GRIA3: variants seen among roughly 807,000 people sequenced by gnomAD.
GRIA3 encodes glutamate ionotropic receptor AMPA type subunit 3.
Under a neutral mutation model 63.0 loss-of-function variants are expected in GRIA3, and 3 were observed. The observed-to-expected ratio is 0.05, with a 90% CI of 0.02 to 0.12. The LOEUF (loss-of-function observed/expected upper bound fraction) is 0.12. Ranked by LOEUF, GRIA3 falls within the 10% of genes least tolerant of loss-of-function variation. GRIA3 has a pLI of 1.00. For synonymous variants in GRIA3, 274 were observed against 257.9 expected (o/e 1.06, Z -0.60); for missense variants, 347 against 700.9 (o/e 0.50, Z 5.70).
chrX:123,314,383 A>T (rs2044818199), intron 3 of GRIA3, among the ~76,000 whole-genome samples: 2 of 112,336 alleles, frequency 1.8e-5, no homozygotes, highest in Non-Finnish European at 3.8e-5. Context: ...TTATTTAGAT[A>T]CCAAACAGAA....
At chrX:123,207,335 G>T (rs185558122) in intron 2 of GRIA3, among the ~76,000 whole-genome samples, 102 of 111,477 alleles carry the variant, frequency 9.1e-4, no homozygotes, top group African/African-American at 3.1e-3. Context: ...CCTTCTAAGT[G>T]ATTTACATTT....
intron 9 of GRIA3, among the ~76,000 whole-genome samples, 199 bp downstream of exon 9, chrX:123,403,718 A>T (rs1262104618): frequency 8.9e-6 from 1 of 111,954 alleles, no homozygotes; most frequent in Non-Finnish European, 1.9e-5. Context: ...GAAAAAGAAT[A>T]GGAATTTAGA....
chrX:123,277,832 C>T (rs1416820992), intron 3 of GRIA3, among the ~76,000 whole-genome samples: 1 of 111,757 alleles, frequency 8.9e-6, no homozygotes. Context: ...ATTTTCATGA[C>T]CATCAAGTAA....
At chrX:123,469,013 C>A (rs1185777962) in intron 13 of GRIA3, among the ~76,000 whole-genome samples, 3 of 112,667 alleles carry the variant, frequency 2.7e-5, no homozygotes, top group Non-Finnish European at 5.6e-5. Context: ...GAATCAGGTT[C>A]ATTCGCAACT....
intron 11 of GRIA3, among the ~76,000 whole-genome samples, chrX:123,423,105 A>C (rs1232162340): frequency 1.8e-5 from 2 of 112,019 alleles, no homozygotes; most frequent in Non-Finnish European, 3.8e-5. Flanking sequence ...CTGCAGGGAC[A>C]TCTGAGGGCT....
chrX:123,416,591 C>T lies in GRIA3; in HGVS notation c.1501-811C>T, dbSNP rs752526295. 3.5e-5 allele frequency among the ~76,000 whole-genome samples: 4 copies of T among 112,720 alleles called. No homozygotes were observed. The South Asian group carries it at 1.4e-3, about 40-fold the overall frequency. On this transcript the variant is annotated intron_variant, in intron 10 of 15. Transcript: ENST00000620443. ...CCTGCCTTTGCCTAAGTTAATTGTG[C>T]AGTGCACTACTGACATTTATTTTAT...
chrX:123,232,503 GA>G (rs1167999647), intron 2 of GRIA3, among the ~76,000 whole-genome samples: 1 of 111,676 alleles, frequency 9.0e-6, no homozygotes, highest in Non-Finnish European at 1.9e-5. Context: ...TTTACAAGAT[GA>G]AAAGAGTTAC....
chrX:123,389,597 T>C (rs1310526081), intron 5 of GRIA3, among the ~76,000 whole-genome samples: 3 of 111,739 alleles, frequency 2.7e-5, no homozygotes, highest in African/African-American at 9.8e-5. Flanking sequence ...ACCCTATATG[T>C]ACATTTACAT....
At chrX:123,408,250 G>C (rs938987831) in intron 10 of GRIA3, among the ~76,000 whole-genome samples, 2 of 111,825 alleles carry the variant, frequency 1.8e-5, no homozygotes, top group African/African-American at 6.5e-5. Flanking sequence ...ACAGGTGTGA[G>C]TCACCACGCC....
chrX:123,356,745 G>A (rs749252413), intron 5 of GRIA3, among the ~76,000 whole-genome samples: 2 of 111,687 alleles, frequency 1.8e-5, no homozygotes, highest in Non-Finnish European at 3.8e-5. Flanking sequence ...GGATCAGAAA[G>A]TTTGGGTTGT....
At chrX:123,227,219 G>C (rs1006848368) in intron 2 of GRIA3, among the ~76,000 whole-genome samples, 3 of 110,658 alleles carry the variant, frequency 2.7e-5, no homozygotes, top group African/African-American at 1.0e-4. Flanking sequence ...ACTGGATCAT[G>C]AGTTCTTTGA....
At chrX:123,211,604 C>A (rs762125418) in intron 2 of GRIA3, among the ~76,000 whole-genome samples, 1 of 111,441 alleles carries the variant, frequency 9.0e-6, no homozygotes, top group Non-Finnish European at 1.9e-5. Flanking sequence ...ACCTTGCACA[C>A]AGGAGCTCTC....
At chrX:123,420,269 G>A (rs780303985) in intron 11 of GRIA3, among the ~76,000 whole-genome samples, 1 of 111,745 alleles carries the variant, frequency 8.9e-6, no homozygotes, top group East Asian at 2.8e-4. Flanking sequence ...CATTTAAAAA[G>A]AAGCTTTGCA....
intron 5 of GRIA3, among the ~76,000 whole-genome samples, chrX:123,359,735 C>G (rs2045156910): frequency 1.8e-5 from 2 of 111,539 alleles, no homozygotes; most frequent in Admixed American, 1.9e-4. Context: ...AAAACAAAAA[C>G]AAAACAAAAC....
intron 12 of GRIA3, among the ~76,000 whole-genome samples, chrX:123,432,420 T>C (rs2045623014): frequency 3.6e-5 from 4 of 112,530 alleles, no homozygotes; most frequent in Non-Finnish European, 7.5e-5. Flanking sequence ...ACAATTTTTC[T>C]CTTTCTCATT....
intron 4 of GRIA3, among the ~76,000 whole-genome samples, chrX:123,350,752 ACT>A (rs2045089177): frequency 8.9e-6 from 1 of 112,240 alleles, no homozygotes; most frequent in Non-Finnish European, 1.9e-5. Context: ...TATATGCATC[ACT>A]CTGTGTGTTA....
chrX:123,416,595 G>T (rs193293139), intron 10 of GRIA3, among the ~76,000 whole-genome samples: 7 of 112,788 alleles, frequency 6.2e-5, no homozygotes, highest in African/African-American at 9.6e-5. Context: ...ATTGTGCAGT[G>T]CACTACTGAC....
chrX:123,489,849 C>T lies in GRIA3; in HGVS notation c.*1139C>T. The stretch of plus-strand genomic sequence containing the variant: ...TCCTACTAGCTGTTGCCTGCTACCG[C>T]CCATGGCTCTCCATCGGACTGCATG... On this transcript the variant is annotated 3_prime_UTR_variant, in exon 16 of 16. Coordinates refer to ENST00000620443, the MANE Select transcript of GRIA3 (RefSeq NM_007325.5). The T allele has an allele frequency of 8.9e-6, 1 of 112,113 alleles. No individual in the cohort carries two copies. The highest frequency in any genetic ancestry group is 9.5e-5 in the Admixed American group (1 of 10,543). 9.2% of individuals were successfully genotyped at this position (112,113 alleles called of 1,213,427 possible). A position where few individuals can be genotyped will look rare whatever the true frequency, so the allele number is the denominator to read the frequency against.
chrX:123,381,706 A>C (rs1357153908), intron 5 of GRIA3, among the ~76,000 whole-genome samples: 2 of 111,361 alleles, frequency 1.8e-5, no homozygotes, highest in Non-Finnish European at 3.8e-5. Flanking sequence ...TCAGTCTTTA[A>C]TTTTTGCAAT....
Sources: gnomAD v4.1 joint callset for allele counts (sites outside exome capture counted in the v4.1 genomes callset) on GRCh38, gnomAD v4.1.1 for gene constraint, MANE v1.5 for transcripts, NCBI Gene and HGNC (gene_info 2026-07-23, HGNC 2026-07-21) for gene names.